Variants in SLC17A6 observed in about 807,000 individuals in gnomAD.
The protein encoded by SLC17A6 is solute carrier family 17 member 6, also known as vesicular glutamate transporter 2.
In SLC17A6, 35 loss-of-function variants were observed where a neutral mutation model predicts 67.1. The observed-to-expected ratio is 0.52, with a 90% confidence interval of 0.40 to 0.69. The LOEUF is 0.69. Among genes scored for constraint, SLC17A6 ranks in the 30% least tolerant of loss-of-function variants. SLC17A6 has a pLI of 0.00. For synonymous variants in SLC17A6, 285 were observed against 252.3 expected (o/e 1.13, Z -1.23); for missense variants, 588 against 723.9 (o/e 0.81, Z 2.15).
rs190739446 is a variant in SLC17A6 at position 22,355,101 on chromosome 11, A to G, written c.459-4312A>G. ...CATTCTTCTGGTTGTTTTACTTCAA[A>G]TAACTCATAGGTTCTGTTAATATTC... On this transcript the variant is annotated intron_variant, in intron 3 of 11. Coordinates refer to ENST00000263160, the MANE Select transcript of SLC17A6 (RefSeq NM_020346.3). Among the ~76,000 whole-genome samples the G allele has an allele frequency of 1.8e-3, 281 of 152,240 alleles. 3 individuals are homozygous for G. Among genetic ancestry groups the G allele is most frequent in the African/African-American group, 6.3e-3 (260 of 41,540 alleles).
rs1345995506 is a variant in SLC17A6, at chr11:22,379,342, T to A, written c.*1602T>A. The A allele has an allele frequency of 6.6e-6, 1 of 152,276 alleles. No individual in the cohort carries two copies. The highest frequency in any genetic ancestry group is 1.5e-5 in the Non-Finnish European group (1 of 67,940). 9.4% of individuals were successfully genotyped at this position (152,276 alleles called of 1,614,324 possible). ...TAAAGTTTGTTTAAAAAAATGCAAA[T>A]CATTCTTTACCTTAAGAAAAAAAAA... On this transcript the variant is annotated 3_prime_UTR_variant, in exon 12 of 12. Coordinates refer to ENST00000263160, the MANE Select transcript of SLC17A6 (RefSeq NM_020346.3).
At chr11:22,345,022 G>A (rs984186390) in intron 3 of SLC17A6, among the ~76,000 whole-genome samples, 5 of 151,824 alleles carry the variant, frequency 3.3e-5, no homozygotes, top group Non-Finnish European at 7.4e-5. Context: ...AATGATACAA[G>A]ATCTCAATAT....
Position 22,367,022 on chromosome 11 carries a change from A to AAG in SLC17A6, c.891+1334_891+1335insGA, listed in dbSNP as rs1329470894. On this transcript the variant is annotated intron_variant, in intron 7 of 11. Coordinates refer to ENST00000263160, the MANE Select transcript of SLC17A6 (RefSeq NM_020346.3). ...TCCGTCTCGAAAAAAAAAAAAAAAA[A>AAG]AAAGGAGAACACTGTTTAGTAAAAT... is the stretch of plus-strand genomic sequence containing the variant. 1.7e-4 allele frequency among the ~76,000 whole-genome samples: 26 copies of AAG among 151,894 alleles called. 1 individual carries two copies. In the South Asian group the frequency reaches 5.2e-3, roughly 30 times the overall value.
At chr11:22,362,193 AG>A (rs1856060073) in intron 5 of SLC17A6, 1 of 403,792 alleles carries the variant, frequency 2.5e-6, no homozygotes, top group African/African-American at 2.2e-5. Flanking sequence ...AATTTGCCAT[AG>A]GGGAAAAACG....
In SLC17A6 at chr11:22,377,616, A is replaced by G. The variant is rs148245620; in HGVS notation, c.1625A>G (p.Lys542Arg). 2.5e-5 allele frequency: 40 copies of G among 1,614,034 alleles called. No homozygotes were observed. In the African/African-American group the frequency reaches 5.2e-4, roughly 21 times the overall value. The change falls in exon 12 of 12, where the codon AAG becomes AGG. Residue 542 changes from lysine to arginine, a missense_variant. Around this residue, in one of 4 missense-constraint regions of SLC17A6, gnomAD observed 414 missense variants for 563.4 expected, o/e 0.73. Transcript: ENST00000263160. ...AATTATATAAATTATGGTACCACCA[A>G]GTCTTATGGTGCCACAACACAGGCC... ...TQNYINYGTT[K>R]SYGATTQANG...
intron 7 of SLC17A6, among the ~76,000 whole-genome samples, chr11:22,366,484 G>C (rs1856113920): frequency 6.6e-6 from 1 of 152,014 alleles, no homozygotes; most frequent in African/African-American, 2.4e-5. Context: ...TTATTTTATT[G>C]ATAAAATATC....
At chr11:22,362,687 A>T in intron 5 of SLC17A6, 52 bp from the exon 6 acceptor site, 1 of 1,429,080 alleles carries the variant, frequency 7.0e-7, no homozygotes. Context: ...GATGATATCA[A>T]TAATTTCTAC....
chr11:22,356,828 C>G (rs1284269065), intron 3 of SLC17A6, among the ~76,000 whole-genome samples: 2 of 152,134 alleles, frequency 1.3e-5, no homozygotes, highest in African/African-American at 4.8e-5. Context: ...AGAGTAAGAC[C>G]ATGTAGAAAT....
rs11424894 is a variant in SLC17A6, at chr11:22,374,526, C to CAA, written c.1042-217_1042-216dup. 7.6e-3 allele frequency among the ~76,000 whole-genome samples: 1,120 copies of CAA among 147,924 alleles called. 8 individuals are homozygous for CAA. The highest frequency in any genetic ancestry group is 0.017 in the South Asian group (78 of 4,658). On this transcript the variant is annotated intron_variant, in intron 8 of 11. Coordinates refer to ENST00000263160, the MANE Select transcript of SLC17A6 (RefSeq NM_020346.3). ...CAAAATTTACTGATGCATTACGTGGCAAAAAAAAAAAAATTACCTTCTAAA... is the reference window on the plus strand; with the variant it reads ...CAAAATTTACTGATGCATTACGTGGCAAAAAAAAAAAAAAATTACCTTCTAAA...
At chr11:22,339,636 G>A (rs1437164878) in intron 1 of SLC17A6, among the ~76,000 whole-genome samples, 1 of 152,126 alleles carries the variant, frequency 6.6e-6, no homozygotes, top group Non-Finnish European at 1.5e-5. Context: ...AATTACAAAG[G>A]AGCACTAATT....
intron 3 of SLC17A6, among the ~76,000 whole-genome samples, chr11:22,343,758 G>A (rs940376370): frequency 7.2e-5 from 11 of 152,238 alleles, no homozygotes; most frequent in African/African-American, 2.2e-4. Flanking sequence ...CTCCCCGCAG[G>A]CTCCCAGGCT....
chr11:22,369,775 T>C (rs917318210), intron 7 of SLC17A6, among the ~76,000 whole-genome samples: 3 of 152,006 alleles, frequency 2.0e-5, no homozygotes, highest in African/African-American at 7.2e-5. Flanking sequence ...GAATCAATTT[T>C]CTATAATTAT....
At position 22,379,179 on chromosome 11, in the gene SLC17A6, T is replaced by TG. The variant is rs1856269006; in HGVS notation, c.*1439_*1440insG. The TG allele has an allele frequency of 6.6e-6, 1 of 152,546 alleles. No individual in the cohort carries two copies. The highest frequency in any genetic ancestry group is 2.1e-4 in the South Asian group (1 of 4,832). 9.4% of individuals were successfully genotyped at this position (152,546 alleles called of 1,614,324 possible). A position where few individuals can be genotyped will look rare whatever the true frequency, so the allele number is the denominator to read the frequency against. The stretch of plus-strand genomic sequence containing the variant: ...AAAAAGCTAACATCAGACCCCTTTA[T>TG]AATGTCCTAAAATTATGATAATACA... On this transcript the variant is annotated 3_prime_UTR_variant, in exon 12 of 12. Transcript: ENST00000263160.
intron 8 of SLC17A6, among the ~76,000 whole-genome samples, chr11:22,371,643 C>G (rs1466298710): frequency 6.6e-6 from 1 of 151,964 alleles, no homozygotes; most frequent in African/African-American, 2.4e-5. Flanking sequence ...GTTAATGAAA[C>G]TGTGTGGTCA....
At chr11:22,355,418 C>A (rs1407192210) in intron 3 of SLC17A6, among the ~76,000 whole-genome samples, 1 of 152,120 alleles carries the variant, frequency 6.6e-6, no homozygotes, top group African/African-American at 2.4e-5. Flanking sequence ...ACTTTGACCC[C>A]TTGCTCCTCT....
At chr11:22,355,962 C>T (rs899455394) in intron 3 of SLC17A6, among the ~76,000 whole-genome samples, 7 of 152,152 alleles carry the variant, frequency 4.6e-5, no homozygotes, top group Admixed American at 3.9e-4. Context: ...CTGGTCTCTC[C>T]CTCTCCTACT....
At chr11:22,362,892 A>G (rs1856068557) in intron 6 of SLC17A6, 67 bp downstream of exon 6, 6 of 1,157,912 alleles carry the variant, frequency 5.2e-6, no homozygotes, top group Non-Finnish European at 7.8e-6. Flanking sequence ...ATGGTTGCAG[A>G]CAATGAGATC....
chr11:22,372,879 C>G (rs980827289), intron 8 of SLC17A6, among the ~76,000 whole-genome samples: 1 of 152,090 alleles, frequency 6.6e-6, no homozygotes, highest in Non-Finnish European at 1.5e-5. Context: ...CCCCAAAAGC[C>G]AAGAAGACCA....
intron 8 of SLC17A6, among the ~76,000 whole-genome samples, chr11:22,372,391 C>G (rs1353771872): frequency 5.4e-5 from 8 of 149,478 alleles, no homozygotes; most frequent in Non-Finnish European, 3.0e-5. Flanking sequence ...CACACATACA[C>G]ATATATATAT....
Sources: gnomAD v4.1 joint callset for allele counts (sites outside exome capture counted in the v4.1 genomes callset) on GRCh38, gnomAD v4.1.1 for gene constraint, gnomAD v4.1.1 regional missense constraint, MANE v1.5 for transcripts, NCBI Gene and HGNC (gene_info 2026-07-23, HGNC 2026-07-21) for gene names.